GPC5: variants seen among roughly 807,000 people sequenced by gnomAD.
The protein encoded by GPC5 is glypican 5, also known as glypican-5.
GPC5 carries 47 observed loss-of-function variants against 53.9 expected under a neutral mutation model. That is an observed-to-expected ratio of 0.87 (90% confidence interval 0.69 to 1.11). GPC5 has a LOEUF of 1.11. Ranked by LOEUF, GPC5 falls within the 50% of genes most tolerant of loss-of-function variation. The pLI, the probability that GPC5 is intolerant of heterozygous loss-of-function variation, is 0.00. For missense variants in GPC5, 748 were observed against 713.1 expected, an observed-to-expected ratio of 1.05 and a Z score of -0.56; for synonymous variants, 286 against 263.3, an observed-to-expected ratio of 1.09 and a Z score of -0.84.
intron 7 of GPC5, among the ~76,000 whole-genome samples, chr13:92,720,286 C>T (rs1201710203): frequency 1.3e-5 from 2 of 152,064 alleles, no homozygotes; most frequent in Non-Finnish European, 2.9e-5. Context: ...TATGTATCAT[C>T]CATATAGGCA....
intron 7 of GPC5, among the ~76,000 whole-genome samples, chr13:92,177,134 C>A (rs1434242518): frequency 6.6e-6 from 1 of 152,156 alleles, no homozygotes; most frequent in Non-Finnish European, 1.5e-5. Context: ...TCTCAGTTAA[C>A]TTCTTGGCTT....
intron 7 of GPC5, among the ~76,000 whole-genome samples, chr13:92,734,530 A>G (rs961783680): frequency 6.6e-6 from 1 of 151,942 alleles, no homozygotes; most frequent in Middle Eastern, 3.2e-3. Flanking sequence ...ACAATTATGA[A>G]TTAAACAAGA....
At chr13:92,284,266 A>G (rs1309042681) in intron 7 of GPC5, among the ~76,000 whole-genome samples, 4 of 152,192 alleles carry the variant, frequency 2.6e-5, no homozygotes, top group African/African-American at 9.7e-5. Flanking sequence ...CAACCAAAAA[A>G]AAGTCCAGGA....
intron 7 of GPC5, among the ~76,000 whole-genome samples, chr13:92,222,917 C>T (rs547996178): frequency 1.3e-5 from 2 of 152,148 alleles, no homozygotes; most frequent in Admixed American, 1.3e-4. Flanking sequence ...TATGTACCAG[C>T]TATTGGGCTG....
chr13:91,841,124 T>G (rs1310655873), intron 5 of GPC5, among the ~76,000 whole-genome samples: 2 of 151,914 alleles, frequency 1.3e-5, no homozygotes, highest in Non-Finnish European at 2.9e-5. Context: ...ATATATGAAT[T>G]CCGAAGGGGC....
At chr13:92,294,826 C>CTTTTTTTTTTTTTTTT (rs147963724) in intron 7 of GPC5, among the ~76,000 whole-genome samples, 2 of 98,998 alleles carry the variant, frequency 2.0e-5, no homozygotes, top group South Asian at 3.6e-4. Context: ...TTTTTTTTTT[C>CTTTTTTTTTTTTTTTT]TTTTTTTTTT....
At chr13:92,508,214 G>A (rs115908160) in intron 7 of GPC5, among the ~76,000 whole-genome samples, 32 of 152,104 alleles carry the variant, frequency 2.1e-4, no homozygotes, top group South Asian at 8.3e-4. Context: ...TTCCCGCCTC[G>A]GCCTCCCAAA....
chr13:92,658,612 TTG>T (rs1446674935), intron 7 of GPC5, among the ~76,000 whole-genome samples: 19 of 152,180 alleles, frequency 1.2e-4, no homozygotes, highest in Non-Finnish European at 2.4e-4. Context: ...TTTGTTGTTG[TTG>T]TTTCTGTTGT....
At chr13:92,419,660 G>C (rs942449973) in intron 7 of GPC5, among the ~76,000 whole-genome samples, 1 of 152,120 alleles carries the variant, frequency 6.6e-6, no homozygotes, top group African/African-American at 2.4e-5. Flanking sequence ...ATTGAAAATG[G>C]TTTCTAGACT....
intron 6 of GPC5, among the ~76,000 whole-genome samples, chr13:92,019,288 C>T (rs1456981729): frequency 7.7e-6 from 1 of 130,510 alleles, no homozygotes; most frequent in East Asian, 2.4e-4. Flanking sequence ...ATCCATATTT[C>T]TGAACGTTTT....
intron 7 of GPC5, among the ~76,000 whole-genome samples, chr13:92,164,156 G>T (rs1397213930): frequency 6.6e-6 from 1 of 152,070 alleles, no homozygotes; most frequent in Non-Finnish European, 1.5e-5. Flanking sequence ...ATATCATTCT[G>T]CCCCTGGCCC....
intron 2 of GPC5, among the ~76,000 whole-genome samples, chr13:91,498,128 C>A (rs988956341): frequency 6.6e-6 from 1 of 151,588 alleles, no homozygotes; most frequent in Admixed American, 6.6e-5. Context: ...ACCCCCCTAC[C>A]TCTAACCCAC....
At chr13:92,159,593 C>CT (rs71120074) in intron 7 of GPC5, among the ~76,000 whole-genome samples, 14,315 of 56,826 alleles carry the variant, frequency 0.25, 4,798 homozygotes, top group South Asian at 0.51. Flanking sequence ...TACCAATGTT[C>CT]TTTTTTTTTT....
At chr13:91,996,989 TTATAA>T (rs1316205586) in intron 6 of GPC5, among the ~76,000 whole-genome samples, 1 of 152,060 alleles carries the variant, frequency 6.6e-6, no homozygotes, top group Non-Finnish European at 1.5e-5. Flanking sequence ...AGTATCTTAA[TTATAA>T]TATATCCCAT....
intron 7 of GPC5, among the ~76,000 whole-genome samples, chr13:92,776,059 G>C (rs1739465558): frequency 6.6e-6 from 1 of 152,166 alleles, no homozygotes; most frequent in African/African-American, 2.4e-5. Flanking sequence ...AAACAACACA[G>C]ATGTATTATC....
intron 6 of GPC5, among the ~76,000 whole-genome samples, chr13:92,098,209 G>A (rs980898597): frequency 3.3e-5 from 5 of 151,982 alleles, no homozygotes; most frequent in Non-Finnish European, 7.4e-5. Flanking sequence ...CCCTCTATGC[G>A]TCCATGTGTT....
At chr13:92,692,639 C>G (rs1012096775) in intron 7 of GPC5, among the ~76,000 whole-genome samples, 15 of 151,180 alleles carry the variant, frequency 9.9e-5, no homozygotes, top group African/African-American at 3.4e-4. Flanking sequence ...GTGTAACTAA[C>G]CTGCACATTG....
rs553442276 is a variant in GPC5, at chr13:92,168,379, ACT to A, written c.1561+23394_1561+23395del. Among the ~76,000 whole-genome samples the A allele has an allele frequency of 8.9e-4, 135 of 152,284 alleles. 2 individuals carry two copies. The Middle Eastern group carries it at 0.017, about 19-fold the overall frequency. Reference sequence around the variant, plus strand: ...ATAGAGCTTCCGCACAGCAAAAGAAACTCTCATCAGAGTGAACAGGCAGCCTA... The same window carrying A: ...ATAGAGCTTCCGCACAGCAAAAGAAACTCATCAGAGTGAACAGGCAGCCTA... On this transcript the variant is annotated intron_variant, in intron 7 of 7. Transcript: ENST00000377067.
intron 2 of GPC5, among the ~76,000 whole-genome samples, chr13:91,675,972 C>A (rs1464387851): frequency 1.3e-5 from 2 of 152,180 alleles, no homozygotes; most frequent in Non-Finnish European, 2.9e-5. Context: ...ACTAAAAATG[C>A]AGATTTCTGG....
Sources: gnomAD v4.1 joint callset for allele counts (sites outside exome capture counted in the v4.1 genomes callset) on GRCh38, gnomAD v4.1.1 for gene constraint, MANE v1.5 for transcripts, NCBI Gene and HGNC (gene_info 2026-07-23, HGNC 2026-07-21) for gene names.